HYCC2: variants seen among roughly 807,000 people sequenced by gnomAD.
HYCC2 encodes the protein hyccin PI4KA lipid kinase complex subunit 2, also known as hyccin 2.
At chr2:201,065,225 A>C in the HYCC2 span, among the ~76,000 whole-genome samples, 9 of 152,202 alleles carry the variant, frequency 5.9e-5, no homozygotes, top group Admixed American at 1.3e-4. Flanking sequence ...TGGAATATGC[A>C]ATTTTGAGAT....
chr2:201,008,695 G>T, the HYCC2 span, among the ~76,000 whole-genome samples: 1 of 152,122 alleles, frequency 6.6e-6, no homozygotes, highest in South Asian at 2.1e-4. Flanking sequence ...AGGAGTTCGA[G>T]ACCAGCCTGG....
the HYCC2 span, among the ~76,000 whole-genome samples, chr2:201,064,279 A>G: frequency 6.6e-6 from 1 of 152,026 alleles, no homozygotes; most frequent in Non-Finnish European, 1.5e-5. Flanking sequence ...GGAAAGTGTA[A>G]AGCATTCCAA....
chr2:201,000,536 C>G, the HYCC2 span, among the ~76,000 whole-genome samples: 1 of 152,094 alleles, frequency 6.6e-6, no homozygotes. Flanking sequence ...ACTCTTTATA[C>G]CCATTAAGAT....
chr2:201,019,525 G>A, the HYCC2 span, among the ~76,000 whole-genome samples: 1 of 152,138 alleles, frequency 6.6e-6, no homozygotes, highest in Non-Finnish European at 1.5e-5. Flanking sequence ...GGCCAAGGCA[G>A]GCTGATGGCT....
At chr2:201,063,402 A>G in the HYCC2 span, 2 of 1,589,780 alleles carry the variant, frequency 1.3e-6, no homozygotes, top group Admixed American at 3.3e-5. Flanking sequence ...TTAACTGTGA[A>G]AAAGATATTT....
the HYCC2 span, among the ~76,000 whole-genome samples, chr2:201,046,118 A>G: frequency 7.7e-3 from 1,169 of 152,306 alleles, 19 homozygotes; most frequent in African/African-American, 0.027. Flanking sequence ...TCTTTTTTAG[A>G]AAAGAACACA....
chr2:201,069,543 A>AACACACACAC, the HYCC2 span, among the ~76,000 whole-genome samples: 1 of 143,640 alleles, frequency 7.0e-6, no homozygotes, highest in African/African-American at 2.6e-5. Flanking sequence ...CATAAGAAGA[A>AACACACACAC]ACACACACAC....
the HYCC2 span, among the ~76,000 whole-genome samples, chr2:201,059,969 G>A: frequency 6.6e-6 from 1 of 151,220 alleles, no homozygotes; most frequent in Non-Finnish European, 1.5e-5. Flanking sequence ...ACTTGAACCC[G>A]GGAGGCGGAG....
At chr2:201,043,009 A>G in the HYCC2 span, among the ~76,000 whole-genome samples, 1 of 152,170 alleles carries the variant, frequency 6.6e-6, no homozygotes, top group Middle Eastern at 3.2e-3. Context: ...AAATGTGGGG[A>G]AAAGAGAGAT....
the HYCC2 span, among the ~76,000 whole-genome samples, chr2:201,002,668 G>C: frequency 6.6e-6 from 1 of 151,964 alleles, no homozygotes; most frequent in Non-Finnish European, 1.5e-5. Flanking sequence ...TGGGATTACA[G>C]GCACCTGCCA....
the HYCC2 span, among the ~76,000 whole-genome samples, chr2:201,027,105 G>C: frequency 6.6e-6 from 1 of 151,998 alleles, no homozygotes; most frequent in African/African-American, 2.4e-5. Context: ...GAATCAAATA[G>C]ATGCAATAAA....
the HYCC2 span, chr2:200,988,527 A>C: frequency 1.4e-6 from 1 of 714,498 alleles, no homozygotes; most frequent in South Asian, 2.3e-5. Context: ...TTTGCATTAT[A>C]ATGTGTAATA....
At chr2:201,070,442 C>T in the HYCC2 span, among the ~76,000 whole-genome samples, 1 of 152,048 alleles carries the variant, frequency 6.6e-6, no homozygotes, top group East Asian at 1.9e-4. Flanking sequence ...CATCTGACGT[C>T]CGGAGTTCGA....
the HYCC2 span, among the ~76,000 whole-genome samples, chr2:201,060,066 G>GC: frequency 1.4e-3 from 170 of 123,680 alleles, 7 homozygotes; most frequent in African/African-American, 4.9e-3. Flanking sequence ...GGGGGGGGGG[G>GC]GTTCTTCTTA....
At chr2:200,994,473 G>A in the HYCC2 span, among the ~76,000 whole-genome samples, 2 of 152,118 alleles carry the variant, frequency 1.3e-5, no homozygotes, top group South Asian at 4.1e-4. Context: ...CTGACCTCAG[G>A]TGATCTGCCC....
the HYCC2 span, among the ~76,000 whole-genome samples, chr2:201,009,686 C>G: frequency 2.0e-5 from 3 of 152,082 alleles, no homozygotes; most frequent in East Asian, 5.8e-4. Flanking sequence ...TCTCAAACTT[C>G]TGACCTCAAG....
the HYCC2 span, among the ~76,000 whole-genome samples, chr2:201,057,140 CATACTT>C: frequency 6.6e-6 from 1 of 152,182 alleles, no homozygotes; most frequent in Non-Finnish European, 1.5e-5. Context: ...TGTGACCTGA[CATACTT>C]TCAAGAAGTG....
the HYCC2 span, among the ~76,000 whole-genome samples, chr2:201,015,722 C>G: frequency 1.3e-5 from 2 of 152,188 alleles, no homozygotes; most frequent in Non-Finnish European, 2.9e-5. Flanking sequence ...AAAACTGACA[C>G]AAAATTGTCT....
chr2:201,068,612 T>C, the HYCC2 span, among the ~76,000 whole-genome samples: 1 of 152,226 alleles, frequency 6.6e-6, no homozygotes, highest in East Asian at 1.9e-4. Flanking sequence ...TAAAAACTCC[T>C]AAATTGTTTT....
Sources: gnomAD v4.1 joint callset for allele counts (sites outside exome capture counted in the v4.1 genomes callset) on GRCh38, gnomAD v4.1.1 for gene constraint, MANE v1.5 for transcripts, NCBI Gene and HGNC (gene_info 2026-07-23, HGNC 2026-07-21) for gene names.